CNTN4: variants seen among roughly 807,000 people sequenced by gnomAD.
CNTN4 encodes contactin 4.
Under a neutral mutation model 122.5 loss-of-function variants are expected in CNTN4, and 77 were observed. That is an observed-to-expected ratio of 0.63 (90% CI 0.52 to 0.76). The LOEUF (loss-of-function observed/expected upper bound fraction) is 0.76, where lower values mean the gene tolerates loss of function less well. CNTN4 is among the 30% of genes least tolerant of loss of function. The pLI is 0.00. For synonymous variants in CNTN4, 512 were observed against 447.0 expected (o/e 1.15, Z -1.83); for missense variants, 1,256 against 1,259.1 (o/e 1.00, Z 0.04).
intron 2 of CNTN4, among the ~76,000 whole-genome samples, chr3:2,211,971 T>C (rs2038641426): frequency 6.6e-6 from 1 of 152,160 alleles, no homozygotes; most frequent in Admixed American, 6.5e-5. Context: ...ACTGTTCCTT[T>C]CTCTTTCTTT....
intron 5 of CNTN4, among the ~76,000 whole-genome samples, chr3:2,745,014 A>G (rs754826902): frequency 6.6e-6 from 1 of 152,216 alleles, no homozygotes; most frequent in African/African-American, 2.4e-5. Flanking sequence ...CTCAAGATCA[A>G]TAGTTCCTCT....
chr3:2,556,222 T>C (rs1367186024), intron 3 of CNTN4, among the ~76,000 whole-genome samples: 1 of 152,116 alleles, frequency 6.6e-6, no homozygotes, highest in Admixed American at 6.5e-5. Flanking sequence ...CTGAAGGAAA[T>C]GTGGAGGCAA....
At position 2,901,803 on chromosome 3, in the gene CNTN4, G is replaced by A. The variant is rs148662870; in HGVS notation, c.1077+982G>A. ...ATTGGGAGTTTATGTAGCTGGGGAA[G>A]GGATGCAGCTGTGTGCAGGAAGGAA... On this transcript the variant is annotated intron_variant, in intron 11 of 24. Transcript: ENST00000418658. Among the ~76,000 whole-genome samples the A allele has an allele frequency of 4.7e-3, 721 of 152,272 alleles. 3 individuals are homozygous for A. The highest frequency in any genetic ancestry group is 9.2e-3 in the Admixed American group (141 of 15,302).
At chr3:2,524,675 C>T (rs2077337823) in intron 3 of CNTN4, among the ~76,000 whole-genome samples, 1 of 151,994 alleles carries the variant, frequency 6.6e-6, no homozygotes, top group African/African-American at 2.4e-5. Context: ...AGTAAATGTT[C>T]CCAACACTTT....
intron 4 of CNTN4, among the ~76,000 whole-genome samples, chr3:2,728,688 CA>C (rs1374109368): frequency 6.6e-6 from 1 of 152,200 alleles, no homozygotes; most frequent in East Asian, 1.9e-4. Flanking sequence ...ATGCATAACG[CA>C]AAAAGCTACC....
intron 14 of CNTN4, among the ~76,000 whole-genome samples, chr3:3,021,096 C>T (rs1224760946): frequency 6.6e-6 from 1 of 152,166 alleles, no homozygotes; most frequent in Non-Finnish European, 1.5e-5. Context: ...AATCCCCCAG[C>T]ATGTACTTAG....
chr3:2,667,352 C>T (rs909930143), intron 4 of CNTN4, among the ~76,000 whole-genome samples: 6 of 152,116 alleles, frequency 3.9e-5, no homozygotes, highest in African/African-American at 9.7e-5. Flanking sequence ...TGATAATGAG[C>T]ATTTTTTCAT....
chr3:2,599,411 A>G (rs1295850449), intron 4 of CNTN4, among the ~76,000 whole-genome samples: 1 of 152,150 alleles, frequency 6.6e-6, no homozygotes, highest in African/African-American at 2.4e-5. Context: ...TTGGGGATTT[A>G]TTTTTCACAG....
chr3:2,363,903 A>C (rs2045266024), intron 3 of CNTN4, among the ~76,000 whole-genome samples: 1 of 152,238 alleles, frequency 6.6e-6, no homozygotes, highest in Admixed American at 6.5e-5. Context: ...GCTTTAATGT[A>C]GGTGATTTCC....
chr3:2,709,007 A>G lies in CNTN4; in HGVS notation c.56-27208A>G, dbSNP rs970624902. On this transcript the variant is annotated intron_variant, in intron 4 of 24. Coordinates refer to ENST00000418658, the MANE Select transcript of CNTN4 (RefSeq NM_175607.3). The surrounding 1 kb of genome is among the most constrained non-coding windows in gnomAD (Gnocchi z 5.0). ...TGTACGTATTTTAATGGGCGTTGCT[A>G]CTTGGATCTTCAGAATACATGATAT... Among the ~76,000 whole-genome samples the G allele has an allele frequency of 1.3e-5, 2 of 152,160 alleles. No individual in the cohort carries two copies. The highest frequency in any genetic ancestry group is 2.9e-5 in the Non-Finnish European group (2 of 68,038).
In CNTN4 at chr3:2,920,315, C is replaced by G. The variant is rs1035588600; in HGVS notation, c.1208-5314C>G. On this transcript the variant is annotated intron_variant, in intron 12 of 24. Coordinates refer to ENST00000418658, the MANE Select transcript of CNTN4 (RefSeq NM_175607.3). ...GTTACAGAGGGGAGGTAGAAGGAGG[C>G]TGGATATGACTGTGAAGGGGAAGCA... Among the ~76,000 whole-genome samples the G allele has an allele frequency of 6.0e-5, 9 of 150,052 alleles. 1 individual carries two copies. The highest frequency in any genetic ancestry group is 3.3e-4 in the Admixed American group (5 of 15,062).
rs993343451 is a variant in CNTN4 at position 2,237,367 on chromosome 3, C to A, written c.-144-101811C>A. 4.6e-5 allele frequency among the ~76,000 whole-genome samples: 7 copies of A among 152,102 alleles called. No individual in the cohort carries two copies. In the East Asian group the frequency reaches 1.4e-3, roughly 29 times the overall value. ...ACTCCTGTTTGTAGTCCCAGAAACT[C>A]CAGAGGCTGAAGCAGTAGGATCGCT... is the stretch of plus-strand genomic sequence containing the variant. On this transcript the variant is annotated intron_variant, in intron 2 of 24. Coordinates refer to ENST00000418658, the MANE Select transcript of CNTN4 (RefSeq NM_175607.3).
intron 2 of CNTN4, among the ~76,000 whole-genome samples, chr3:2,232,859 A>G (rs1037428687): frequency 6.6e-6 from 1 of 152,218 alleles, no homozygotes; most frequent in East Asian, 1.9e-4. Context: ...AACAAGCTCT[A>G]AATGAGATGA....
At chr3:2,161,893 A>G (rs1050491148) in intron 2 of CNTN4, among the ~76,000 whole-genome samples, 3 of 152,172 alleles carry the variant, frequency 2.0e-5, no homozygotes, top group South Asian at 2.1e-4. Flanking sequence ...GGTCAACTCA[A>G]TTAATCTCTT....
chr3:2,356,505 G>A (rs537735788), intron 3 of CNTN4, among the ~76,000 whole-genome samples: 11 of 152,256 alleles, frequency 7.2e-5, no homozygotes, highest in South Asian at 2.1e-4. Context: ...TATAATTAGC[G>A]TATAATGAGC....
At chr3:2,749,254 C>T (rs1444869990) in intron 6 of CNTN4, among the ~76,000 whole-genome samples, 2 of 152,074 alleles carry the variant, frequency 1.3e-5, no homozygotes, top group African/African-American at 2.4e-5. Context: ...ACCTCCACCT[C>T]CTGGGTTCAA....
intron 2 of CNTN4, among the ~76,000 whole-genome samples, chr3:2,185,988 T>A (rs1559322795): frequency 6.6e-6 from 1 of 152,160 alleles, no homozygotes; most frequent in South Asian, 2.1e-4. Flanking sequence ...CGTGCAGGTT[T>A]ATTACATATG....
intron 16 of CNTN4, among the ~76,000 whole-genome samples, chr3:3,033,226 G>A (rs1699327057): frequency 6.6e-6 from 1 of 152,108 alleles, no homozygotes; most frequent in Non-Finnish European, 1.5e-5. Flanking sequence ...GTTAAAAGGG[G>A]TCCCAAGACC....
intron 6 of CNTN4, among the ~76,000 whole-genome samples, chr3:2,795,955 G>T (rs935065319): frequency 6.6e-6 from 1 of 152,162 alleles, no homozygotes; most frequent in Non-Finnish European, 1.5e-5. Flanking sequence ...ATGTGTTCAT[G>T]ATTGCAGAAG....
Sources: gnomAD v4.1 joint callset for allele counts (sites outside exome capture counted in the v4.1 genomes callset) on GRCh38, gnomAD v4.1.1 for gene constraint, Gnocchi (gnomAD v3.1) non-coding constraint, MANE v1.5 for transcripts, NCBI Gene and HGNC (gene_info 2026-07-23, HGNC 2026-07-21) for gene names.